Variants in RC3H2 observed in about 807,000 individuals in gnomAD.
RC3H2 encodes ring finger and CCCH-type domains 2.
Under a neutral mutation model 133.3 loss-of-function variants are expected in RC3H2, and 31 were observed. The ratio of observed to expected loss-of-function variants is 0.23; its 90% CI spans 0.17 to 0.31. The LOEUF (loss-of-function observed/expected upper bound fraction) is 0.31. Among genes scored for constraint, RC3H2 ranks in the 10% least tolerant of loss-of-function variants. RC3H2 has a pLI of 1.00. For synonymous variants in RC3H2, 517 were observed against 502.2 expected (o/e 1.03, Z -0.40); for missense variants, 1,175 against 1,437.2 (o/e 0.82, Z 2.95).
Position 122,844,709 on chromosome 9 carries a change from A to G in RC3H2, c.*4918T>C, listed in dbSNP as rs1829830689. 6.6e-6 allele frequency: 1 copy of G among 152,240 alleles called. No individual in the cohort carries two copies. The highest frequency in any genetic ancestry group is 2.4e-5 in the African/African-American group (1 of 41,454). 9.4% of individuals were successfully genotyped at this position (152,240 alleles called of 1,614,324 possible). ...TATCTCTTCACTTCAGTGCTACAGCAAAAACACACAGAATTCACTCTTTGC... is the reference window on the plus strand; with the variant it reads ...TATCTCTTCACTTCAGTGCTACAGCGAAAACACACAGAATTCACTCTTTGC... On this transcript the variant is annotated 3_prime_UTR_variant, in exon 21 of 21. Coordinates refer to ENST00000357244, the MANE Select transcript of RC3H2 (RefSeq NM_001100588.3).
rs770523822 is a variant in RC3H2 at position 122,880,797 on chromosome 9, A to G, written c.760-3T>C. ...GAGTCTTCATCTCTTTTGGTAACCT[A>G]AAAAATAGAAAAGAGAAAAATCAGA... On this transcript the variant is annotated splice_region_variant and splice_polypyrimidine_tract_variant and intron_variant, in intron 5 of 20. Transcript: ENST00000357244. 1.2e-6 allele frequency: 2 copies of G among 1,607,190 alleles called. No homozygotes were observed. The highest frequency in any genetic ancestry group is 1.1e-5 in the South Asian group (1 of 90,944).
chr9:122,870,955 G>A lies in RC3H2; in HGVS notation c.1326-5298C>T, dbSNP rs999582687. Among the ~76,000 whole-genome samples the A allele has an allele frequency of 3.3e-5, 5 of 152,090 alleles. No individual in the cohort carries two copies. In the East Asian group the frequency reaches 5.8e-4, roughly 18 times the overall value. ...AAAATTATAAATAATTCATTAATAC[G>A]CTTCTTTACTAAGTTCATTTTCCCA... On this transcript the variant is annotated intron_variant, in intron 9 of 20. Transcript: ENST00000357244.
rs1832798748 is a variant in RC3H2 at position 122,905,264 on chromosome 9, G to C, written c.-222C>G. 2.0e-6 allele frequency: 2 copies of C among 985,858 alleles called. No individual in the cohort carries two copies. The highest frequency in any genetic ancestry group is 4.7e-5 in the South Asian group (1 of 21,298). The allele number at this position is 985,858 out of a possible 1,614,324, so 61.1% of individuals were successfully genotyped here. A position where few individuals can be genotyped will look rare whatever the true frequency, so the allele number is the denominator to read the frequency against. On this transcript the variant is annotated 5_prime_UTR_variant, in exon 1 of 21. Transcript: ENST00000357244. ...GGGAGCTACAGGGACAGCCCCGTTG[G>C]CGGCGGCGAAGGCCGCGACGGGGCC...
intron 9 of RC3H2, chr9:122,874,199 T>G (rs891462161): frequency 3.9e-5 from 6 of 152,096 alleles, no homozygotes; most frequent in African/African-American, 1.4e-4. Context: ...TATATAGTAA[T>G]CAACAGTGAT....
intron 9 of RC3H2, among the ~76,000 whole-genome samples, chr9:122,868,014 A>G (rs1415945366): frequency 1.0e-5 from 1 of 96,762 alleles, no homozygotes; most frequent in African/African-American, 4.0e-5. Flanking sequence ...AGCCACCCCT[A>G]CTGGGAAGTG....
chr9:122,896,026 G>A (rs1176925433), intron 2 of RC3H2, among the ~76,000 whole-genome samples: 3 of 148,772 alleles, frequency 2.0e-5, no homozygotes, highest in African/African-American at 5.0e-5. Context: ...GCATCACATA[G>A]CTCAGAGGTG....
intron 2 of RC3H2, among the ~76,000 whole-genome samples, chr9:122,893,418 C>T (rs1305205920): frequency 1.3e-5 from 2 of 152,096 alleles, no homozygotes; most frequent in East Asian, 3.9e-4. Context: ...CTCTTGAACC[C>T]GGGAGGCTGA....
intron 2 of RC3H2, among the ~76,000 whole-genome samples, chr9:122,893,743 G>GA (rs944818603): frequency 6.6e-6 from 1 of 151,240 alleles, no homozygotes; most frequent in Non-Finnish European, 1.5e-5. Flanking sequence ...AGACACAGTT[G>GA]TTTTTTTTTC....
chr9:122,865,482 T>A lies in RC3H2; in HGVS notation c.1501A>T (p.Asn501Tyr), dbSNP rs1423989019. The A allele has an allele frequency of 1.2e-6, 2 of 1,614,112 alleles. No individual in the cohort carries two copies. Among genetic ancestry groups the A allele is most frequent in the Non-Finnish European group, 1.7e-6 (2 of 1,180,044 alleles). The change falls in exon 10 of 21, where the codon AAC (asparagine) becomes TAC (tyrosine). Residue 501 changes from asparagine to tyrosine, a missense_variant. Asn to Tyr is a moderately radical substitution (Grantham distance 143). This residue lies in a region of RC3H2 where 490 missense variants were observed against 492.8 expected (regional missense o/e 0.99). Transcript: ENST00000357244. Reference protein sequence around the residue: ...PSTNGISNAENSVSQLISRST... With the variant: ...PSTNGISNAEYSVSQLISRST... ...CGTGAGATTAGCTGGGAAACACTGTTTTCTGCATTTGAAATTCCGTTTGTA... is the reference window on the plus strand; with the variant it reads ...CGTGAGATTAGCTGGGAAACACTGTATTCTGCATTTGAAATTCCGTTTGTA...
At position 122,891,698 on chromosome 9, in the gene RC3H2, T is replaced by TA. The variant is rs558694479; in HGVS notation, c.350-1154dup. On this transcript the variant is annotated intron_variant, in intron 3 of 20. Transcript: ENST00000357244. Reference sequence around the variant, plus strand: ...CCACGCTCTTTAGATAGCTGTTCAATAAATGAATGAATGAATACAGGGGAT... The same window carrying TA: ...CCACGCTCTTTAGATAGCTGTTCAATAAAATGAATGAATGAATACAGGGGAT... Among the ~76,000 whole-genome samples the TA allele has an allele frequency of 5.3e-5, 8 of 152,154 alleles. No homozygotes were observed. In the East Asian group the frequency reaches 1.5e-3, roughly 29 times the overall value.
chr9:122,863,544 TA>T (rs1270838352), intron 10 of RC3H2, among the ~76,000 whole-genome samples: 1 of 152,214 alleles, frequency 6.6e-6, no homozygotes, highest in African/African-American at 2.4e-5. Flanking sequence ...TCCTGTCCTT[TA>T]ATCCAACTTC....
intron 18 of RC3H2, among the ~76,000 whole-genome samples, chr9:122,852,165 G>A (rs1830052001): frequency 6.6e-6 from 1 of 151,228 alleles, no homozygotes; most frequent in African/African-American, 2.4e-5. Context: ...TCTGGGATGT[G>A]AGGAATGCCT....
intron 3 of RC3H2, among the ~76,000 whole-genome samples, chr9:122,891,504 T>C (rs1000719622): frequency 5.9e-5 from 9 of 152,342 alleles, no homozygotes; most frequent in Non-Finnish European, 1.2e-4. Context: ...TTTTCCCACA[T>C]CACTTGACCA....
At chr9:122,882,528 C>CA (rs1343091470) in intron 5 of RC3H2, among the ~76,000 whole-genome samples, 7 of 152,112 alleles carry the variant, frequency 4.6e-5, no homozygotes, top group African/African-American at 1.7e-4. Flanking sequence ...TTTCTATTTC[C>CA]AAGTACATGA....
intron 4 of RC3H2, among the ~76,000 whole-genome samples, chr9:122,888,855 C>T (rs75537080): frequency 1.8e-3 from 273 of 152,228 alleles, no homozygotes; most frequent in African/African-American, 5.8e-3. Context: ...GATTGCTAGA[C>T]CAAAGGGTAA....
chr9:122,888,209 T>C (rs1278917771), intron 4 of RC3H2, among the ~76,000 whole-genome samples: 2 of 152,172 alleles, frequency 1.3e-5, no homozygotes, highest in Non-Finnish European at 2.9e-5. Flanking sequence ...TTATTATATA[T>C]TCCACTAGGG....
chr9:122,870,417 A>C (rs1437821391), intron 9 of RC3H2, among the ~76,000 whole-genome samples: 9 of 145,568 alleles, frequency 6.2e-5, no homozygotes, highest in African/African-American at 2.4e-4. Context: ...AACAAACAAA[A>C]AAAAAACAAC....
chr9:122,863,703 T>C (rs933429242), intron 10 of RC3H2, among the ~76,000 whole-genome samples: 1 of 152,196 alleles, frequency 6.6e-6, no homozygotes, highest in Non-Finnish European at 1.5e-5. Flanking sequence ...CTCAAATATA[T>C]CTTTTCTAAA....
chr9:122,876,258 A>T (rs1234104196), intron 9 of RC3H2, among the ~76,000 whole-genome samples: 1 of 152,196 alleles, frequency 6.6e-6, no homozygotes, highest in East Asian at 1.9e-4. Flanking sequence ...AATGGAAGGC[A>T]GGAGGAGGAG....
Sources: gnomAD v4.1 joint callset for allele counts (sites outside exome capture counted in the v4.1 genomes callset) on GRCh38, gnomAD v4.1.1 for gene constraint, gnomAD v4.1.1 regional missense constraint, MANE v1.5 for transcripts, NCBI Gene and HGNC (gene_info 2026-07-23, HGNC 2026-07-21) for gene names.